The following TMPPE variants were observed in gnomAD, a reference collection of about 807,000 sequenced individuals.
TMPPE encodes the protein transmembrane protein with metallophosphoesterase domain.
Under a neutral mutation model 22.6 loss-of-function variants are expected in TMPPE, and 16 were observed. The ratio of observed to expected loss-of-function variants is 0.71; its 90% CI spans 0.48 to 1.08. TMPPE has a LOEUF of 1.08. Among genes scored for constraint, TMPPE ranks in the 50% least tolerant of loss-of-function variants. TMPPE has a pLI of 0.00. For synonymous variants in TMPPE, 240 were observed against 245.3 expected (o/e 0.98, Z 0.20); for missense variants, 526 against 584.3 (o/e 0.90, Z 1.03).
chr3:33,091,900 G>C lies in TMPPE; in HGVS notation c.*934C>G. ...CAGGATCAAAGGATCTATTGCTTCT[G>C]GCAAAAGGGCAAAAGCACCGCTTTT... On this transcript the variant is annotated 3_prime_UTR_variant, in exon 2 of 2. Transcript: ENST00000342462. The C allele has an allele frequency of 1.0e-6, 1 of 985,444 alleles. No individual in the cohort carries two copies. Among genetic ancestry groups the C allele is most frequent in the South Asian group, 4.7e-5 (1 of 21,288 alleles). 61.0% of individuals were successfully genotyped at this position (985,444 alleles called of 1,614,324 possible). A position where few individuals can be genotyped will look rare whatever the true frequency, so the allele number is the denominator to read the frequency against.
At position 33,096,804 on chromosome 3, in the gene TMPPE, C is replaced by A; in HGVS notation, c.-194G>T. On this transcript the variant is annotated 5_prime_UTR_variant, in exon 1 of 2. The change creates a new upstream start codon in the 5' untranslated region. Transcript: ENST00000342462. Reference sequence around the variant, plus strand: ...CGGAACGCACAAGCGACCGAGCTGCCTGGAAGGACGCGCGCCCCGCCCGGC... The same window carrying A: ...CGGAACGCACAAGCGACCGAGCTGCATGGAAGGACGCGCGCCCCGCCCGGC... 7.4e-7 allele frequency: 1 copy of A among 1,360,356 alleles called. No individual in the cohort carries two copies. The highest frequency in any genetic ancestry group is 9.4e-7 in the Non-Finnish European group (1 of 1,061,032). The allele number at this position is 1,360,356 out of a possible 1,614,324, so 84.3% of individuals were successfully genotyped here.
In TMPPE at chr3:33,094,209, AG is replaced by A. The variant is rs1394810171; in HGVS notation, c.-15del. On this transcript the variant is annotated 5_prime_UTR_variant, in exon 2 of 2. Transcript: ENST00000342462. Reference sequence around the variant, plus strand: ...GAAGATGGCCATTTTCTCTGCTCCTAGTAGGCTCCCCCACCAGTTCTGTGCT... The same window carrying A: ...GAAGATGGCCATTTTCTCTGCTCCTATAGGCTCCCCCACCAGTTCTGTGCT... The A allele has an allele frequency of 1.9e-6, 3 of 1,582,582 alleles. No homozygotes were observed. The highest frequency in any genetic ancestry group is 1.7e-6 in the Non-Finnish European group (2 of 1,161,676).
Position 33,093,230 on chromosome 3 carries a change from CCCACTG to C in TMPPE, c.960_965del (p.Gly322_Ser323del). ...AGCAGATCCAGTCCTCATCCTCACTCCCACTGCCACTGCCACCACCACCACGTTGGG... is the reference window on the plus strand; with the variant it reads ...AGCAGATCCAGTCCTCATCCTCACTCCCACTGCCACCACCACCACGTTGGG... On this transcript the variant is annotated inframe_deletion, in exon 2 of 2. Coordinates refer to ENST00000342462, the MANE Select transcript of TMPPE (RefSeq NM_001039770.3). The surrounding 1 kb of genome is among the most constrained non-coding windows in gnomAD (Gnocchi z 6.0). The C allele has an allele frequency of 6.2e-7, 1 of 1,614,104 alleles. No homozygotes were observed. The highest frequency in any genetic ancestry group is 8.5e-7 in the Non-Finnish European group (1 of 1,179,986).
Position 33,091,928 on chromosome 3 carries a change from T to C in TMPPE, c.*906A>G, listed in dbSNP as rs1031466801. On this transcript the variant is annotated 3_prime_UTR_variant, in exon 2 of 2. Transcript: ENST00000342462. ...AAAAGGGCAAAAGCACCGCTTTTACTGGGAGGTACAAGACCTGGTTTCTAG... is the reference window on the plus strand; with the variant it reads ...AAAAGGGCAAAAGCACCGCTTTTACCGGGAGGTACAAGACCTGGTTTCTAG... 19 of 985,220 alleles carry C rather than the reference T, an allele frequency of 1.9e-5. No individual in the cohort carries two copies. Among genetic ancestry groups the C allele is most frequent in the Middle Eastern group, 5.2e-4 (1 of 1,936 alleles). The allele number at this position is 985,220 out of a possible 1,614,324, so 61.0% of individuals were successfully genotyped here. A position where few individuals can be genotyped will look rare whatever the true frequency, so the allele number is the denominator to read the frequency against.
Position 33,093,711 on chromosome 3 carries a change from A to G in TMPPE, c.485T>C (p.Leu162Pro). ...VVGSLEKTRK[L>P]VLRPALAVGV... ...CACTGCCAGGGCAGGCCTGAGCACG[A>G]GCTTCCTTGTCTTCTCAAGGCTGCC... The change falls in exon 2 of 2, where the codon CTC (leucine) becomes CCC (proline). Residue 162 changes from leucine (L) to proline (P), a missense_variant. Transcript: ENST00000342462. This position sits in a 1 kb window ranked among gnomAD's most constrained non-coding sequence, Gnocchi z 6.0. The G allele has an allele frequency of 6.2e-7, 1 of 1,614,142 alleles. No homozygotes were observed. Among genetic ancestry groups the G allele is most frequent in the Non-Finnish European group, 8.5e-7 (1 of 1,180,010 alleles).
rs1483900283 is a variant in TMPPE, at chr3:33,091,652, C to T, written c.*1182G>A. The T allele has an allele frequency of 1.0e-6, 1 of 984,674 alleles. No individual in the cohort carries two copies. The allele number at this position is 984,674 out of a possible 1,614,324, so 61.0% of individuals were successfully genotyped here. On this transcript the variant is annotated 3_prime_UTR_variant, in exon 2 of 2. Transcript: ENST00000342462. ...CTTGAGGTAGATACGATAATTATCCCCATTTTAGGGTTGATGGAAACCAAG... is the reference window on the plus strand; with the variant it reads ...CTTGAGGTAGATACGATAATTATCCTCATTTTAGGGTTGATGGAAACCAAG...
Position 33,096,921 on chromosome 3 carries a change from C to T in TMPPE, c.-311G>A. 1.9e-6 allele frequency: 3 copies of T among 1,539,044 alleles called. No homozygotes were observed. Among genetic ancestry groups the T allele is most frequent in the Admixed American group, 4.0e-5 (2 of 49,730 alleles). Reference sequence around the variant, plus strand: ...TTCGGGGCTCAGGCTCCCCGCCCTGCGGGACCGCGGGTGGCTGCGACCCCA... The same window carrying T: ...TTCGGGGCTCAGGCTCCCCGCCCTGTGGGACCGCGGGTGGCTGCGACCCCA... On this transcript the variant is annotated 5_prime_UTR_variant, in exon 1 of 2. Transcript: ENST00000342462.
At position 33,093,733 on chromosome 3, in the gene TMPPE, T is replaced by G. The variant is rs1352763822; in HGVS notation, c.463A>C (p.Ser155Arg). The G allele has an allele frequency of 6.2e-7, 1 of 1,613,862 alleles. No individual in the cohort carries two copies. The highest frequency in any genetic ancestry group is 8.5e-7 in the Non-Finnish European group (1 of 1,179,946). ...ACGAGCTTCCTTGTCTTCTCAAGGCTGCCCACGACCCTACCACTGCGCCAG... is the reference window on the plus strand; with the variant it reads ...ACGAGCTTCCTTGTCTTCTCAAGGCGGCCCACGACCCTACCACTGCGCCAG... ...LAWRSGRVVG[S>R]LEKTRKLVLR... Residue 155 changes from serine (S) to arginine (R), a missense_variant, in exon 2 of 2, where the codon AGC (serine) becomes CGC (arginine). Ser to Arg is a moderately radical substitution (Grantham distance 110). Coordinates refer to ENST00000342462, the MANE Select transcript of TMPPE (RefSeq NM_001039770.3). The surrounding 1 kb of genome is among the most constrained non-coding windows in gnomAD (Gnocchi z 6.0).
intron 1 of TMPPE, among the ~76,000 whole-genome samples, chr3:33,094,522 A>G (rs1290290418): frequency 6.6e-6 from 1 of 152,242 alleles, no homozygotes; most frequent in African/African-American, 2.4e-5. Flanking sequence ...ATACGTTTAA[A>G]GTTTCTCTAC....
In TMPPE at chr3:33,092,416, C is replaced by G; in HGVS notation, c.*418G>C. ...TCTGGATCAATGATTCTGGAAACCACTTAAGTCCTAAAGACAATTTTAAAA... is the reference window on the plus strand; with the variant it reads ...TCTGGATCAATGATTCTGGAAACCAGTTAAGTCCTAAAGACAATTTTAAAA... On this transcript the variant is annotated 3_prime_UTR_variant, in exon 2 of 2. Coordinates refer to ENST00000342462, the MANE Select transcript of TMPPE (RefSeq NM_001039770.3). The G allele has an allele frequency of 1.0e-6, 1 of 995,568 alleles. No individual in the cohort carries two copies. Among genetic ancestry groups the G allele is most frequent in the Non-Finnish European group, 1.2e-6 (1 of 836,448 alleles). 61.7% of individuals were successfully genotyped at this position (995,568 alleles called of 1,614,324 possible). A position where few individuals can be genotyped will look rare whatever the true frequency, so the allele number is the denominator to read the frequency against.
chr3:33,091,183 G>C lies in TMPPE; in HGVS notation c.*1651C>G, dbSNP rs554794864. 1 of 985,286 alleles carries C rather than the reference G, an allele frequency of 1.0e-6. No individual in the cohort carries two copies. The highest frequency in any genetic ancestry group is 1.2e-6 in the Non-Finnish European group (1 of 829,962). 61.0% of individuals were successfully genotyped at this position (985,286 alleles called of 1,614,324 possible). On this transcript the variant is annotated 3_prime_UTR_variant, in exon 2 of 2. Transcript: ENST00000342462. ...AGTGAGTTTGGAAGGACAGTGAAGA[G>C]AGAAAAAAGAATAAGGAAACCACCA...
Position 33,093,634 on chromosome 3 carries a change from G to C in TMPPE, c.562C>G (p.Pro188Ala). Residue 188 changes from proline to alanine, a missense_variant, in exon 2 of 2, where the codon CCG (proline) becomes GCG (alanine). Pro to Ala is a conservative substitution (Grantham distance 27, BLOSUM62 -1). Transcript: ENST00000342462. The surrounding 1 kb of genome is among the most constrained non-coding windows in gnomAD (Gnocchi z 6.0). ...GGCACCTCCACAGTTTTCACAGCCG[G>C]GGGCTGCGCGGCATTCAGAATCCCG... ...VAGILNAAQP[P>A]AVKTVEVPIH... 1 of 1,614,150 alleles carries C rather than the reference G, an allele frequency of 6.2e-7. No homozygotes were observed. The highest frequency in any genetic ancestry group is 8.5e-7 in the Non-Finnish European group (1 of 1,180,024).
rs7637099 is a variant in TMPPE, at chr3:33,097,057, G to A, written c.-447C>T. 945,940 of 1,612,026 alleles carry A rather than the reference G, an allele frequency of 0.59. 286,322 individuals are homozygous for A. The highest frequency in any genetic ancestry group is 0.63 in the Middle Eastern group (3,831 of 6,050). ...CAGAAGCAGCAGAACCAGCAACAGA[G>A]GGAGGATGCGAACCAGGAACCCCGG... On this transcript the variant is annotated 5_prime_UTR_variant, in exon 1 of 2. Coordinates refer to ENST00000342462, the MANE Select transcript of TMPPE (RefSeq NM_001039770.3).
chr3:33,090,799 A>G lies in TMPPE; in HGVS notation c.*2035T>C. The G allele has an allele frequency of 1.0e-6, 1 of 985,426 alleles. No individual in the cohort carries two copies. The highest frequency in any genetic ancestry group is 1.2e-6 in the Non-Finnish European group (1 of 829,942). The allele number at this position is 985,426 out of a possible 1,614,324, so 61.0% of individuals were successfully genotyped here. On this transcript the variant is annotated 3_prime_UTR_variant, in exon 2 of 2. Coordinates refer to ENST00000342462, the MANE Select transcript of TMPPE (RefSeq NM_001039770.3). ...TGATGTTGTTTCTCAGATACATAGG[A>G]TGGACCTGTTTTCTTTCTGCTAATA...
At position 33,093,083 on chromosome 3, in the gene TMPPE, G is replaced by A. The variant is rs755023362; in HGVS notation, c.1113C>T (p.Pro371=). 31 of 1,614,100 alleles carry A rather than the reference G, an allele frequency of 1.9e-5. No homozygotes were observed. Among genetic ancestry groups the A allele is most frequent in the Admixed American group, 5.0e-5 (3 of 60,010 alleles). ...CCTGGAGAGCTCTCTTGGCAGCCAG[G>A]GGCTGGTGAGCTAGCAAGATGATTG... ...DHTIILLAHQ[P]LAAKRALQAR... The change falls in exon 2 of 2, where the codon CCC becomes CCT. Residue 371 remains proline (P), a synonymous_variant. Coordinates refer to ENST00000342462, the MANE Select transcript of TMPPE (RefSeq NM_001039770.3). The surrounding 1 kb of genome is among the most constrained non-coding windows in gnomAD (Gnocchi z 6.0).
Position 33,093,788 on chromosome 3 carries a change from G to A in TMPPE, c.408C>T (p.Ser136=), listed in dbSNP as rs146447790. The change falls in exon 2 of 2, where the codon AGC becomes AGT. Residue 136 remains serine (S), a synonymous_variant. Transcript: ENST00000342462. The surrounding 1 kb of genome is among the most constrained non-coding windows in gnomAD (Gnocchi z 6.0). The part of the protein sequence containing the change: ...IIMLFFLFIL[S]GMEQAYQLLA... ...AGAGCTGGTAGGCCTGCTCCATGCC[G>A]CTGAGGATGAAGAGGAAGAAGAGCA... is the stretch of plus-strand genomic sequence containing the variant. The A allele has an allele frequency of 1.4e-5, 22 of 1,613,136 alleles. No individual in the cohort carries two copies. Among genetic ancestry groups the A allele is most frequent in the African/African-American group, 1.1e-4 (8 of 74,904 alleles).
intron 1 of TMPPE, among the ~76,000 whole-genome samples, chr3:33,095,580 C>T (rs923885311): frequency 3.3e-5 from 5 of 152,204 alleles, no homozygotes; most frequent in Non-Finnish European, 5.9e-5. Context: ...GCCAGCCTCC[C>T]TGTGTGGGCC....
chr3:33,096,807 G>T lies in TMPPE; in HGVS notation c.-197C>A. On this transcript the variant is annotated 5_prime_UTR_variant, in exon 1 of 2. Transcript: ENST00000342462. ...AACGCACAAGCGACCGAGCTGCCTGGAAGGACGCGCGCCCCGCCCGGCCCG... is the reference window on the plus strand; with the variant it reads ...AACGCACAAGCGACCGAGCTGCCTGTAAGGACGCGCGCCCCGCCCGGCCCG... The T allele has an allele frequency of 7.4e-7, 1 of 1,360,522 alleles. No individual in the cohort carries two copies. The highest frequency in any genetic ancestry group is 9.4e-7 in the Non-Finnish European group (1 of 1,060,918). The allele number at this position is 1,360,522 out of a possible 1,614,324, so 84.3% of individuals were successfully genotyped here. A position where few individuals can be genotyped will look rare whatever the true frequency, so the allele number is the denominator to read the frequency against.
chr3:33,094,523 G>C (rs966469774), intron 1 of TMPPE, among the ~76,000 whole-genome samples: 3 of 152,226 alleles, frequency 2.0e-5, no homozygotes, highest in Non-Finnish European at 4.4e-5. Context: ...TACGTTTAAA[G>C]TTTCTCTACA....
Sources: gnomAD v4.1 joint callset for allele counts (sites outside exome capture counted in the v4.1 genomes callset) on GRCh38, gnomAD v4.1.1 for gene constraint, Gnocchi (gnomAD v3.1) non-coding constraint, MANE v1.5 for transcripts, NCBI Gene and HGNC (gene_info 2026-07-23, HGNC 2026-07-21) for gene names.